Variants in RANBP2 observed in about 807,000 individuals in gnomAD.
RANBP2 encodes RAN binding protein 2.
RANBP2 carries 57 observed loss-of-function variants against 303.6 expected under a neutral mutation model. The observed-to-expected ratio is 0.19, with a 90% CI of 0.15 to 0.23. The LOEUF (loss-of-function observed/expected upper bound fraction) is 0.23. Ranked by LOEUF, RANBP2 falls within the 10% of genes least tolerant of loss-of-function variation. The pLI is 1.00. For missense variants in RANBP2, 3,138 were observed against 3,780.8 expected (o/e 0.83, Z 4.46); for synonymous variants, 1,167 against 1,301.5 (o/e 0.90, Z 2.23).
chr2:108,749,381 T>A (rs1031568157), intron 9 of RANBP2, among the ~76,000 whole-genome samples: 3 of 152,142 alleles, frequency 2.0e-5, no homozygotes, highest in Admixed American at 6.6e-5. Flanking sequence ...CACTGTAACC[T>A]CTGCCTCCCA....
the RANBP2 span, chr2:109,733,247 A>G: frequency 3.1e-6 from 1 of 326,650 alleles, no homozygotes; most frequent in Non-Finnish European, 6.1e-6. Flanking sequence ...ATGGAATTTT[A>G]CCATGGAATG....
At chr2:109,546,847 T>C in the RANBP2 span, among the ~76,000 whole-genome samples, 4 of 152,284 alleles carry the variant, frequency 2.6e-5, no homozygotes, top group East Asian at 7.7e-4. Flanking sequence ...GAATTTACAC[T>C]ATAATAGGAA....
the RANBP2 span, among the ~76,000 whole-genome samples, chr2:108,999,094 G>T: frequency 1.3e-5 from 2 of 152,204 alleles, no homozygotes; most frequent in South Asian, 2.1e-4. Flanking sequence ...TCTTATTATT[G>T]TAAGTATGTG....
At chr2:108,879,437 G>A in the RANBP2 span, among the ~76,000 whole-genome samples, 1 of 152,172 alleles carries the variant, frequency 6.6e-6, no homozygotes, top group Non-Finnish European at 1.5e-5. Flanking sequence ...CAGTTAGCAT[G>A]AATCTGGTAT....
chr2:108,890,009 C>T, the RANBP2 span, among the ~76,000 whole-genome samples: 1 of 152,078 alleles, frequency 6.6e-6, no homozygotes, highest in African/African-American at 2.4e-5. Flanking sequence ...TTCCCTTGAG[C>T]ATTTATTGTG....
At chr2:108,800,334 G>A in the RANBP2 span, among the ~76,000 whole-genome samples, 1 of 151,972 alleles carries the variant, frequency 6.6e-6, no homozygotes, top group Non-Finnish European at 1.5e-5. Flanking sequence ...GCACGATCTC[G>A]GCTCACTACA....
chr2:108,889,700 G>T, the RANBP2 span, among the ~76,000 whole-genome samples: 1 of 152,002 alleles, frequency 6.6e-6, no homozygotes, highest in African/African-American at 2.4e-5. Context: ...TGAGTTTCTT[G>T]TAAGAGGCGT....
At position 108,763,775 on chromosome 2, in the gene RANBP2, A is replaced by T. The variant is rs1244316928; in HGVS notation, c.3236A>T (p.Asp1079Val). 2 of 1,614,100 alleles carry T rather than the reference A, an allele frequency of 1.2e-6. No homozygotes were observed. Among genetic ancestry groups the T allele is most frequent in the Admixed American group, 3.3e-5 (2 of 60,004 alleles). The change falls in exon 20 of 29, where the codon GAT (aspartate) becomes GTT (valine). Residue 1079 changes from aspartate to valine, a missense_variant. This residue lies in a region of RANBP2 where 403 missense variants were observed against 376.7 expected (regional missense o/e 1.07). Transcript: ENST00000283195. ...ACTTCAGATAAACCCTTGCAAGGAG[A>T]TGGCTATAGTGGAGCCAAACCAATT... ...LLTSDKPLQG[D>V]GYSGAKPIPG...
At chr2:109,241,341 A>G in the RANBP2 span, among the ~76,000 whole-genome samples, 8 of 152,368 alleles carry the variant, frequency 5.3e-5, no homozygotes, top group African/African-American at 1.7e-4. Context: ...TTGAAGTGGA[A>G]AAAAAGTATA....
chr2:108,806,484 T>C, the RANBP2 span, among the ~76,000 whole-genome samples: 2 of 152,318 alleles, frequency 1.3e-5, no homozygotes, highest in South Asian at 4.1e-4. Flanking sequence ...TTTTATGGTT[T>C]CTGTGTTAAG....
the RANBP2 span, among the ~76,000 whole-genome samples, chr2:109,069,632 C>A: frequency 1.3e-5 from 2 of 152,240 alleles, no homozygotes; most frequent in Non-Finnish European, 2.9e-5. Flanking sequence ...AGAGTTTCAC[C>A]TTGCTGGCTC....
chr2:108,805,471 A>G, the RANBP2 span, among the ~76,000 whole-genome samples: 1 of 152,138 alleles, frequency 6.6e-6, no homozygotes, highest in Non-Finnish European at 1.5e-5. Context: ...CACGCCTGTA[A>G]TCCCAGCACT....
At chr2:109,191,570 T>C in the RANBP2 span, among the ~76,000 whole-genome samples, 3 of 152,190 alleles carry the variant, frequency 2.0e-5, no homozygotes, top group African/African-American at 7.2e-5. Context: ...CCTCCCACAT[T>C]ATGTGACTTG....
the RANBP2 span, among the ~76,000 whole-genome samples, chr2:109,321,902 C>T: frequency 1.2e-4 from 19 of 152,342 alleles, no homozygotes; most frequent in African/African-American, 4.6e-4. Context: ...GTGGTCAGGA[C>T]TTCAGGACTT....
At chr2:108,877,118 AGAAAGCCATAAT>A in the RANBP2 span, among the ~76,000 whole-genome samples, 1 of 152,242 alleles carries the variant, frequency 6.6e-6, no homozygotes, top group African/African-American at 2.4e-5. Flanking sequence ...AAGTAGAAAC[AGAAAGCCATAAT>A]GAAAGAACAG....
chr2:108,879,573 A>C, the RANBP2 span, among the ~76,000 whole-genome samples: 2 of 152,216 alleles, frequency 1.3e-5, no homozygotes, highest in East Asian at 3.8e-4. Flanking sequence ...ACATTCCAGA[A>C]ATACAAGATT....
the RANBP2 span, chr2:109,564,353 A>AACCCC: frequency 6.6e-7 from 1 of 1,516,440 alleles, no homozygotes; most frequent in African/African-American, 1.4e-5. Context: ...GCTTCCCAAG[A>AACCCC]ACCCCACCCT....
chr2:109,280,478 G>A, the RANBP2 span, among the ~76,000 whole-genome samples: 5 of 152,230 alleles, frequency 3.3e-5, no homozygotes, highest in South Asian at 2.1e-4. Flanking sequence ...ATCCCTTCTC[G>A]TTCCCGGGTG....
chr2:109,548,441 T>C, the RANBP2 span, among the ~76,000 whole-genome samples: 4 of 152,112 alleles, frequency 2.6e-5, no homozygotes, highest in Non-Finnish European at 4.4e-5. Context: ...TACAGGCTCA[T>C]TGGCTCACGG....
Sources: allele counts gnomAD v4.1 joint callset (sites outside exome capture counted in the v4.1 genomes callset), GRCh38; gene constraint gnomAD v4.1.1; regional missense constraint gnomAD v4.1.1; transcripts MANE v1.5; gene names NCBI Gene and HGNC (gene_info 2026-07-23, HGNC 2026-07-21).